The following TFRC variants were observed in gnomAD, a reference collection of about 807,000 sequenced individuals.
TFRC encodes transferrin receptor protein 1.
A neutral mutation model predicts 85.8 loss-of-function variants in TFRC; 35 were observed. The observed-to-expected ratio is 0.41, with a 90% CI of 0.31 to 0.54. The LOEUF (loss-of-function observed/expected upper bound fraction) is 0.54, where lower values mean the gene tolerates loss of function less well. TFRC is among the 20% of genes least tolerant of loss of function. The probability of loss-of-function intolerance (pLI) is 0.31; values close to 1 mark genes in which losing one functional copy is unlikely to be tolerated. For missense variants in TFRC, 828 were observed against 921.5 expected, an observed-to-expected ratio of 0.90 and a Z score of 1.31; for synonymous variants, 362 against 328.6, an observed-to-expected ratio of 1.10 and a Z score of -1.10.
In TFRC at chr3:196,055,155, GT is replaced by G. The variant is rs751420390; in HGVS notation, c.1823del (p.Asn608ThrfsTer15). The G allele has an allele frequency of 1.9e-6, 3 of 1,614,066 alleles. No individual in the cohort carries two copies. The highest frequency in any genetic ancestry group is 2.5e-6 in the Non-Finnish European group (3 of 1,180,044). Reference sequence around the variant, plus strand: ...GGCTGTTGTACCTCTCATAGTCCAGGTTCAATTCAACATCATGGGTTAGTTT... The same window carrying G: ...GGCTGTTGTACCTCTCATAGTCCAGGTCAATTCAACATCATGGGTTAGTTT... ...VIKLTHDVEL[N>X]LDYERYNSQL... On this transcript the variant is annotated frameshift_variant, in exon 17 of 19. Coordinates refer to ENST00000360110, the MANE Select transcript of TFRC (RefSeq NM_001128148.3). LOFTEE classifies it high-confidence loss of function.
intron 5 of TFRC, 124 bp downstream of exon 5, chr3:196,071,879 G>A (rs1168772979): frequency 9.3e-7 from 1 of 1,070,712 alleles, no homozygotes; most frequent in Non-Finnish European, 1.3e-6. Context: ...ACTCCAGCCT[G>A]GGCAACAGAG....
chr3:196,068,189 C>T, intron 7 of TFRC, 59 bp from the exon 8 acceptor site: 1 of 1,272,612 alleles, frequency 7.9e-7, no homozygotes, highest in South Asian at 1.3e-5. Context: ...AATGAGAATA[C>T]ATCCTGGACA....
intron 9 of TFRC, among the ~76,000 whole-genome samples, chr3:196,067,080 C>T (rs1228157200): frequency 6.6e-6 from 1 of 152,218 alleles, no homozygotes; most frequent in Non-Finnish European, 1.5e-5. Flanking sequence ...CAAGGCTTCT[C>T]AATCTATAGA....
chr3:196,067,532 T>C lies in TFRC; in HGVS notation c.1026A>G (p.Ala342=), dbSNP rs1717831370. ...TAAAAACTTACCCAAACAGCTTTTC[T>C]GCAGCAGCTCTGGAGATTGTCTGGA... The part of the protein sequence containing the change: ...IPVQTISRAA[A]EKLFGNMEGD... Residue 342 remains alanine (A), a synonymous_variant, in exon 9 of 19, where the codon GCA becomes GCG. Coordinates refer to ENST00000360110, the MANE Select transcript of TFRC (RefSeq NM_001128148.3). The C allele has an allele frequency of 6.2e-7, 1 of 1,613,442 alleles. No homozygotes were observed. The highest frequency in any genetic ancestry group is 1.1e-5 in the South Asian group (1 of 90,896).
rs1405114045 is a variant in TFRC, at chr3:196,051,097, T to G, written c.*845A>C. 4.6e-6 allele frequency: 1 copy of G among 215,264 alleles called. No homozygotes were observed. Among genetic ancestry groups the G allele is most frequent in the Non-Finnish European group, 9.4e-6 (1 of 106,524 alleles). 13.3% of individuals were successfully genotyped at this position (215,264 alleles called of 1,614,324 possible). ...TCAGTGCCAAAAGGACAGAAAGCTC[T>G]CCCCTAAGATTAACACTTTGGCCAA... On this transcript the variant is annotated 3_prime_UTR_variant, in exon 19 of 19. Transcript: ENST00000360110.
At chr3:196,054,067 G>C (rs370156511) in intron 17 of TFRC, among the ~76,000 whole-genome samples, 4 of 151,790 alleles carry the variant, frequency 2.6e-5, no homozygotes, top group South Asian at 4.2e-4. Flanking sequence ...TAAAACCCCG[G>C]CTCTACTAAA....
At chr3:196,064,266 T>C (rs948719515) in intron 11 of TFRC, 43 bp downstream of exon 11, 14 of 1,586,878 alleles carry the variant, frequency 8.8e-6, no homozygotes, top group East Asian at 2.2e-5. Flanking sequence ...TAGAACTGTA[T>C]GCAGTGCACC....
intron 10 of TFRC, 89 bp from the exon 11 acceptor site, chr3:196,064,517 C>A: frequency 7.7e-7 from 1 of 1,290,386 alleles, no homozygotes. Flanking sequence ...AAGGTAAAAG[C>A]ACAGTATATG....
chr3:196,062,536 A>G (rs1365741921), intron 13 of TFRC, 46 bp downstream of exon 13: 1 of 1,562,572 alleles, frequency 6.4e-7, no homozygotes, highest in Non-Finnish European at 8.8e-7. Context: ...TCCATCTCAA[A>G]AAAGTTTACC....
At chr3:196,074,389 C>A in intron 3 of TFRC, 1 of 284,760 alleles carries the variant, frequency 3.5e-6, no homozygotes, top group Non-Finnish European at 6.5e-6. Context: ...TGAGCTGCTG[C>A]ACCGCCAGTG....
intron 11 of TFRC, 138 bp from the exon 12 acceptor site, chr3:196,063,077 AG>A: frequency 1.6e-6 from 1 of 633,674 alleles, no homozygotes; most frequent in South Asian, 2.2e-5. Context: ...GAGCCAAAAA[AG>A]AAAAAAAAAA....
intron 3 of TFRC, among the ~76,000 whole-genome samples, chr3:196,074,799 A>C (rs1179704743): frequency 6.6e-6 from 1 of 151,486 alleles, no homozygotes; most frequent in Non-Finnish European, 1.5e-5. Context: ...GAATCGCTTG[A>C]ACCTGGGAGG....
Position 196,052,027 on chromosome 3 carries a change from T to C in TFRC, c.2198A>G (p.Asn733Ser), listed in dbSNP as rs1358583994. ...AGTCCAAGTAGCTAGAGCCAACTGG[T>C]TTCTGAACAGCGTTTCATTAAAAGC... is the stretch of plus-strand genomic sequence containing the variant. ...NGAFNETLFRNQLALATWTIQ... is the reference protein window; with the variant it reads ...NGAFNETLFRSQLALATWTIQ... Residue 733 changes from asparagine (N) to serine (S), a missense_variant, in exon 19 of 19, where the codon AAC becomes AGC. Physicochemically the swap from Asn to Ser is conservative, Grantham distance 46 (BLOSUM62 1). Transcript: ENST00000360110. The C allele has an allele frequency of 2.5e-6, 4 of 1,614,052 alleles. No homozygotes were observed. Among genetic ancestry groups the C allele is most frequent in the Non-Finnish European group, 3.4e-6 (4 of 1,180,042 alleles).
intron 3 of TFRC, 92 bp downstream of exon 3, chr3:196,075,056 AAAAAAAAAAAT>A (rs55746242): frequency 0.15 from 146,275 of 950,598 alleles, 9,439 homozygotes; most frequent in Middle Eastern, 0.28. Context: ...CAAAAAAAAA[AAAAAAAAAAAT>A]AAGGTACAAA....
rs181293620 is a variant in TFRC, at chr3:196,069,882, T to C, written c.688-314A>G. ...TGGGACTGGAGGCCTGGAACAATCTTAGCCTTGAGGACATCATAGAAATAG... is the reference window on the plus strand; with the variant it reads ...TGGGACTGGAGGCCTGGAACAATCTCAGCCTTGAGGACATCATAGAAATAG... On this transcript the variant is annotated intron_variant, in intron 6 of 18. Transcript: ENST00000360110. 3.3e-5 allele frequency among the ~76,000 whole-genome samples: 5 copies of C among 152,332 alleles called. No individual in the cohort carries two copies. In the East Asian group the frequency reaches 9.6e-4, roughly 29 times the overall value.
In TFRC at chr3:196,065,608, C is replaced by G; in HGVS notation, c.1041-8G>C. 6.3e-7 allele frequency: 1 copy of G among 1,594,568 alleles called. No homozygotes were observed. The highest frequency in any genetic ancestry group is 8.5e-7 in the Non-Finnish European group (1 of 1,174,920). On this transcript the variant is annotated splice_polypyrimidine_tract_variant and splice_region_variant and intron_variant, in intron 9 of 18. Transcript: ENST00000360110. ...CAGTCTCCTTCCATATTCCTAGAAT[C>G]AGAAAGCAGGCGTAAGTTCTGAGTT...
At position 196,058,558 on chromosome 3, in the gene TFRC, A is replaced by G; in HGVS notation, c.1595+16T>C. ...TGCTTTTCTATTAGTTTGTTCATTC[A>G]CTTTTCTCAACTTACACTTTGCTGG... is the stretch of plus-strand genomic sequence containing the variant. On this transcript the variant is annotated intron_variant, in intron 15 of 18. Transcript: ENST00000360110. 1 of 1,606,766 alleles carries G rather than the reference A, an allele frequency of 6.2e-7. No individual in the cohort carries two copies. The highest frequency in any genetic ancestry group is 8.5e-7 in the Non-Finnish European group (1 of 1,177,414).
chr3:196,065,420 G>GGT, intron 10 of TFRC, 23 bp downstream of exon 10: 5 of 49,324 alleles, frequency 1.0e-4, no homozygotes, highest in Non-Finnish European at 1.2e-4. Context: ...AGCGGGGCGG[G>GGT]GGGGGGGGGG....
intron 17 of TFRC, among the ~76,000 whole-genome samples, 168 bp downstream of exon 17, chr3:196,054,912 C>T (rs751303991): frequency 2.0e-5 from 3 of 152,174 alleles, no homozygotes; most frequent in Admixed American, 1.3e-4. Context: ...CACAGCCTCC[C>T]GACTTCTCTC....
Sources: allele counts gnomAD v4.1 joint callset (sites outside exome capture counted in the v4.1 genomes callset), GRCh38; gene constraint gnomAD v4.1.1; transcripts MANE v1.5; gene names NCBI Gene and HGNC (gene_info 2026-07-23, HGNC 2026-07-21).